The following MTA3 variants were observed in gnomAD, a reference collection of about 807,000 sequenced individuals.
MTA3 encodes the protein metastasis associated 1 family member 3.
In MTA3, 34 loss-of-function variants were observed where a neutral mutation model predicts 83.5. The observed-to-expected ratio is 0.41, with a 90% CI of 0.31 to 0.54. MTA3 has a LOEUF of 0.54. Ranked by LOEUF, MTA3 falls within the 20% of genes least tolerant of loss-of-function variation. The pLI is 0.33. For synonymous variants in MTA3, 303 were observed against 252.7 expected (o/e 1.20, Z -1.89); for missense variants, 761 against 726.4 (o/e 1.05, Z -0.55).
chr2:42,585,393 G>T (rs1015957099), intron 3 of MTA3, among the ~76,000 whole-genome samples: 1 of 151,164 alleles, frequency 6.6e-6, no homozygotes, highest in East Asian at 2.0e-4. Flanking sequence ...TGGCTGAAAA[G>T]TGGAAATTAT....
At position 42,597,505 on chromosome 2, in the gene MTA3, C is replaced by G. The variant is rs191775257; in HGVS notation, c.191-11953C>G. On this transcript the variant is annotated intron_variant, in intron 3 of 16. Coordinates refer to ENST00000405094, the MANE Select transcript of MTA3 (RefSeq NM_001330442.2). The stretch of plus-strand genomic sequence containing the variant: ...GGTTCAAGCAATTCTCCTGCCTCAG[C>G]CTCCTGAGTTACTGGGATTACAGGC... Among the ~76,000 whole-genome samples, 284 of 150,520 alleles carry G rather than the reference C, an allele frequency of 1.9e-3. 2 individuals are homozygous for G. Among genetic ancestry groups the G allele is most frequent in the African/African-American group, 6.6e-3 (270 of 40,854 alleles).
At chr2:42,618,363 C>T (rs984694746) in intron 4 of MTA3, among the ~76,000 whole-genome samples, 14 of 152,152 alleles carry the variant, frequency 9.2e-5, no homozygotes, top group African/African-American at 3.4e-4. Context: ...TTACAGAATG[C>T]TAATCCTTCA....
chr2:42,594,701 T>C (rs1315957154), intron 3 of MTA3, among the ~76,000 whole-genome samples: 1 of 57,008 alleles, frequency 1.8e-5, no homozygotes, highest in African/African-American at 8.9e-5. Context: ...CATATATAAA[T>C]ATACATATAT....
At chr2:42,639,523 C>T (rs1315889476) in intron 4 of MTA3, among the ~76,000 whole-genome samples, 1 of 152,112 alleles carries the variant, frequency 6.6e-6, no homozygotes, top group Non-Finnish European at 1.5e-5. Flanking sequence ...CTTATAAAAA[C>T]AGACGTTAGT....
chr2:42,601,785 T>A (rs1378694444), intron 3 of MTA3, among the ~76,000 whole-genome samples: 1 of 152,200 alleles, frequency 6.6e-6, no homozygotes, highest in African/African-American at 2.4e-5. Flanking sequence ...GTTCAAGTAA[T>A]TCTCCTGCAT....
chr2:42,588,794 T>G (rs965210772), intron 3 of MTA3, among the ~76,000 whole-genome samples: 1 of 109,558 alleles, frequency 9.1e-6, no homozygotes, highest in African/African-American at 3.9e-5. Flanking sequence ...TGTATACACA[T>G]GTATGTATTA....
intron 3 of MTA3, among the ~76,000 whole-genome samples, chr2:42,601,701 A>T (rs1682597504): frequency 6.7e-6 from 1 of 150,110 alleles, no homozygotes; most frequent in East Asian, 2.0e-4. Flanking sequence ...TTTTTTTGAG[A>T]CAGAGTCTTG....
intron 16 of MTA3, among the ~76,000 whole-genome samples, chr2:42,730,092 ATTTG>A (rs1291061820): frequency 5.9e-5 from 9 of 152,186 alleles, no homozygotes; most frequent in Admixed American, 1.3e-4. Flanking sequence ...ACTTTACTCA[ATTTG>A]TTTGTCAGTT....
intron 15 of MTA3, among the ~76,000 whole-genome samples, chr2:42,721,287 T>C (rs949429762): frequency 6.6e-6 from 1 of 151,574 alleles, no homozygotes; most frequent in Non-Finnish European, 1.5e-5. Flanking sequence ...GTAATATGCG[T>C]TGGGCACTTG....
intron 2 of MTA3, among the ~76,000 whole-genome samples, chr2:42,552,022 G>C (rs1341831670): frequency 6.6e-6 from 1 of 152,060 alleles, no homozygotes; most frequent in Non-Finnish European, 1.5e-5. Context: ...CACCGTGCCT[G>C]GCCTGTTTGT....
At chr2:42,722,790 G>T (rs1007371693) in intron 15 of MTA3, 99 bp from the exon 16 acceptor site, 3 of 1,377,054 alleles carry the variant, frequency 2.2e-6, no homozygotes, top group Admixed American at 2.2e-5. Context: ...CTGACTCTCA[G>T]CTCATTAAGA....
At chr2:42,642,206 C>G (rs551430684) in intron 5 of MTA3, among the ~76,000 whole-genome samples, 1 of 152,192 alleles carries the variant, frequency 6.6e-6, no homozygotes, top group African/African-American at 2.4e-5. Context: ...TTTCCCATAT[C>G]AGGACATAGA....
intron 2 of MTA3, among the ~76,000 whole-genome samples, chr2:42,513,197 G>A (rs895051521): frequency 6.6e-6 from 1 of 152,128 alleles, no homozygotes; most frequent in African/African-American, 2.4e-5. Flanking sequence ...TTTGTTACAT[G>A]TTTAAGTTAC....
At chr2:42,559,186 A>T (rs574820822) in intron 2 of MTA3, among the ~76,000 whole-genome samples, 3 of 152,156 alleles carry the variant, frequency 2.0e-5, no homozygotes, top group Non-Finnish European at 4.4e-5. Context: ...ACACATGTCT[A>T]TAAGCACCTG....
chr2:42,735,008 C>T (rs576487915), intron 16 of MTA3, among the ~76,000 whole-genome samples: 14 of 152,252 alleles, frequency 9.2e-5, no homozygotes, highest in Admixed American at 9.2e-4. Context: ...CAGACAATTA[C>T]ACTGTTATAA....
intron 3 of MTA3, among the ~76,000 whole-genome samples, chr2:42,606,240 G>T (rs1351457339): frequency 6.9e-6 from 1 of 145,906 alleles, no homozygotes; most frequent in African/African-American, 2.6e-5. Context: ...GCTGCCGGGC[G>T]GAGACTCTCC....
chr2:42,506,296 T>C (rs571625289), intron 2 of MTA3, among the ~76,000 whole-genome samples: 5 of 151,704 alleles, frequency 3.3e-5, no homozygotes, highest in Non-Finnish European at 7.4e-5. Flanking sequence ...AATAATTTTT[T>C]AGAAATTATC....
At chr2:42,498,763 G>A (rs1674261641) in intron 2 of MTA3, among the ~76,000 whole-genome samples, 1 of 152,156 alleles carries the variant, frequency 6.6e-6, no homozygotes, top group South Asian at 2.1e-4. Flanking sequence ...TGTAATGGCT[G>A]TCTATCCAGA....
At position 42,732,681 on chromosome 2, in the gene MTA3, C is replaced by T. The variant is rs1179646672; in HGVS notation, c.1759+9646C>T. ...TTTTCTTTTCTATCGCATAGTCAGGCTGCAAATATTCTGAACTTTTATGCT... is the reference window on the plus strand; with the variant it reads ...TTTTCTTTTCTATCGCATAGTCAGGTTGCAAATATTCTGAACTTTTATGCT... On this transcript the variant is annotated intron_variant, in intron 16 of 16. Transcript: ENST00000405094. 2.6e-5 allele frequency among the ~76,000 whole-genome samples: 4 copies of T among 152,224 alleles called. No homozygotes were observed. In the East Asian group the frequency reaches 7.7e-4, roughly 29 times the overall value.
Sources: gnomAD v4.1 joint callset for allele counts (sites outside exome capture counted in the v4.1 genomes callset) on GRCh38, gnomAD v4.1.1 for gene constraint, MANE v1.5 for transcripts, NCBI Gene and HGNC (gene_info 2026-07-23, HGNC 2026-07-21) for gene names.